The following DHX57 variants were observed in gnomAD, a reference collection of about 807,000 sequenced individuals.
The protein encoded by DHX57 is DExH-box helicase 57, also known as putative ATP-dependent RNA helicase DHX57.
Under a neutral mutation model 156.2 loss-of-function variants are expected in DHX57, and 105 were observed. The observed-to-expected ratio is 0.67, with a 90% CI of 0.57 to 0.79. The LOEUF (loss-of-function observed/expected upper bound fraction) is 0.79. Ranked by LOEUF, DHX57 falls within the 30% of genes least tolerant of loss-of-function variation. DHX57 has a pLI of 0.00. For missense variants in DHX57, 1,847 were observed against 1,661.9 expected, an observed-to-expected ratio of 1.11 and a Z score of -1.94; for synonymous variants, 704 against 595.6, an observed-to-expected ratio of 1.18 and a Z score of -2.65.
Position 38,861,263 on chromosome 2 carries a change from G to C in DHX57, c.1147C>G (p.Leu383Val). 1 of 1,614,196 alleles carries C rather than the reference G, an allele frequency of 6.2e-7. No homozygotes were observed. Among genetic ancestry groups the C allele is most frequent in the Middle Eastern group, 1.6e-4 (1 of 6,062 alleles). The change falls in exon 5 of 24, where the codon CTG (leucine) becomes GTG (valine). Residue 383 changes from leucine (L) to valine (V), a missense_variant. By Grantham distance (32) the Leu-to-Val change is conservative. Coordinates refer to ENST00000457308, the MANE Select transcript of DHX57 (RefSeq NM_198963.3). The part of the protein sequence containing the change: ...AFYSTNENLP[L>V]ACRLHISEFL... ...TCAGAAATATGTAAACGACAAGCCA[G>C]AGGTAGGTTCTCATTGGTGGAATAA...
In DHX57 at chr2:38,855,025, C is replaced by T. The variant is rs1265818096; in HGVS notation, c.1905+32G>A. ...TTTTATACCTAAAAACCATAAATTT[C>T]TGTTACCAGGAAATAAGCAGAGCAT... On this transcript the variant is annotated intron_variant, in intron 8 of 23. Coordinates refer to ENST00000457308, the MANE Select transcript of DHX57 (RefSeq NM_198963.3). 3.7e-6 allele frequency: 6 copies of T among 1,613,846 alleles called. No individual in the cohort carries two copies. The African/African-American group carries it at 6.7e-5, about 18-fold the overall frequency.
At position 38,822,136 on chromosome 2, in the gene DHX57, GTGCAATGGCGCGACTGGCTCA is replaced by G. The variant is rs1670850962; in HGVS notation, c.3291+836_3291+856del. On this transcript the variant is annotated intron_variant, in intron 17 of 23. Transcript: ENST00000457308. ...TTTCGCTCTTGTTGCCCAGGCTGGA[GTGCAATGGCGCGACTGGCTCA>G]TTGCAACCTCTGCCTCCCAGGTTCA... 2.6e-5 allele frequency among the ~76,000 whole-genome samples: 4 copies of G among 152,016 alleles called. No homozygotes were observed. The South Asian group carries it at 8.3e-4, about 32-fold the overall frequency.
chr2:38,832,532 AAT>A (rs200490370), intron 13 of DHX57, among the ~76,000 whole-genome samples: 1,984 of 131,276 alleles, frequency 0.015, 26 homozygotes, highest in East Asian at 0.034. Flanking sequence ...CACATAGATT[AAT>A]ATATATATAT....
intron 21 of DHX57, among the ~76,000 whole-genome samples, chr2:38,811,854 C>T (rs904651380): frequency 2.6e-5 from 4 of 152,182 alleles, no homozygotes; most frequent in Admixed American, 6.5e-5. Context: ...TCACCTAAAA[C>T]TTCTTATACC....
chr2:38,803,782 C>T (rs1429451648), intron 22 of DHX57, among the ~76,000 whole-genome samples: 2 of 105,820 alleles, frequency 1.9e-5, no homozygotes, highest in Non-Finnish European at 4.4e-5. Flanking sequence ...AGTCACCACA[C>T]CCAGCCTTTT....
intron 8 of DHX57, chr2:38,854,706 C>A: frequency 4.9e-6 from 1 of 205,748 alleles, no homozygotes; most frequent in Non-Finnish European, 9.9e-6. Flanking sequence ...GGATTACAGG[C>A]GTGTGCCACC....
In DHX57 at chr2:38,843,150, C is replaced by T; in HGVS notation, c.2280G>A (p.Lys760=). 1 of 1,614,224 alleles carries T rather than the reference C, an allele frequency of 6.2e-7. No individual in the cohort carries two copies. Residue 760 remains lysine (K), a synonymous_variant, in exon 12 of 24, where the codon AAG becomes AAA. Coordinates refer to ENST00000457308, the MANE Select transcript of DHX57 (RefSeq NM_198963.3). Reference sequence around the variant, plus strand: ...CAGTTCTGTTCCGCCTTGCTTTAAGCTTTTCCTTTGAAATCTGTTTCATGG... The same window carrying T: ...CAGTTCTGTTCCGCCTTGCTTTAAGTTTTTCCTTTGAAATCTGTTTCATGG... ...MRSMKQISKE[K]LKARRNRTAF... is the part of the protein sequence containing the mutation.
intron 21 of DHX57, chr2:38,810,332 C>T: frequency 2.5e-6 from 1 of 402,394 alleles, no homozygotes; most frequent in Non-Finnish European, 4.9e-6. Flanking sequence ...ACACTCTTAG[C>T]CAGGGAGAAC....
At chr2:38,875,376 T>TC (rs1456288236) in intron 1 of DHX57, among the ~76,000 whole-genome samples, 1 of 151,976 alleles carries the variant, frequency 6.6e-6, no homozygotes, top group African/African-American at 2.4e-5. Context: ...TATATCCAGC[T>TC]CCATCCAGAT....
At chr2:38,813,972 C>T (rs546958285) in intron 20 of DHX57, 77 bp from the exon 21 acceptor site, 1 of 1,521,244 alleles carries the variant, frequency 6.6e-7, no homozygotes, top group Admixed American at 1.7e-5. Context: ...GAGTCTTGCT[C>T]TGTCACCCAG....
intron 20 of DHX57, among the ~76,000 whole-genome samples, chr2:38,815,290 C>G (rs558324871): frequency 3.9e-5 from 6 of 152,088 alleles, no homozygotes; most frequent in Admixed American, 6.5e-5. Context: ...GTCTCGAACT[C>G]CTGAGCTCAA....
chr2:38,826,108 G>T (rs1221365603), intron 15 of DHX57, 61 bp from the exon 16 acceptor site: 1 of 1,517,498 alleles, frequency 6.6e-7, no homozygotes, highest in East Asian at 2.4e-5. Context: ...AAGACTGCTT[G>T]CTATGGACAG....
Position 38,826,078 on chromosome 2 carries a change from C to A in DHX57, c.2814-31G>T. 4 of 1,599,326 alleles carry A rather than the reference C, an allele frequency of 2.5e-6. No individual in the cohort carries two copies. In the South Asian group the frequency reaches 4.5e-5, roughly 18 times the overall value. On this transcript the variant is annotated intron_variant, in intron 15 of 23. Coordinates refer to ENST00000457308, the MANE Select transcript of DHX57 (RefSeq NM_198963.3). ...AAGAAAAAGAAAATATAAATTGAGT[C>A]ATTTTATAAAAACATGGCCAAGACT... is the stretch of plus-strand genomic sequence containing the variant.
In DHX57 at chr2:38,815,653, T is replaced by G. The variant is rs140728716; in HGVS notation, c.3474A>C (p.Glu1158Asp). The G allele has an allele frequency of 6.2e-7, 1 of 1,613,964 alleles. No individual in the cohort carries two copies. Reference sequence around the variant, plus strand: ...TGAATTGTCGTTTGAGGCTGGCCATTTCCTGAAAGAAGTGGAAAAACCTTT... The same window carrying G: ...TGAATTGTCGTTTGAGGCTGGCCATGTCCTGAAAGAAGTGGAAAAACCTTT... Reference protein sequence around the residue: ...QNFLSGRVLQEMASLKRQFTE... With the variant: ...QNFLSGRVLQDMASLKRQFTE... Residue 1158 changes from glutamate (E) to aspartate (D), a missense_variant and splice_region_variant, in exon 20 of 24, where the codon GAA becomes GAC. By Grantham distance (45) the Glu-to-Asp change is conservative (BLOSUM62 2). Transcript: ENST00000457308.
intron 21 of DHX57, among the ~76,000 whole-genome samples, chr2:38,807,601 C>A (rs896668317): frequency 6.6e-6 from 1 of 152,048 alleles, no homozygotes; most frequent in African/African-American, 2.4e-5. Context: ...TTGTGATCCA[C>A]CTGCGTCGGC....
At chr2:38,862,662 C>CT (rs1673298119) in intron 3 of DHX57, 1 of 175,930 alleles carries the variant, frequency 5.7e-6, no homozygotes, top group African/African-American at 2.4e-5. Context: ...GCCTAGGTTA[C>CT]ACATTAAGGA....
intron 13 of DHX57, among the ~76,000 whole-genome samples, chr2:38,835,275 G>C (rs1012083621): frequency 6.6e-6 from 1 of 152,318 alleles, no homozygotes; most frequent in East Asian, 1.9e-4. Context: ...AAGGCAGGAA[G>C]GGATAGGCTA....
At chr2:38,806,957 T>C (rs1195619366) in intron 21 of DHX57, among the ~76,000 whole-genome samples, 2 of 151,274 alleles carry the variant, frequency 1.3e-5, no homozygotes, top group East Asian at 1.9e-4. Context: ...GAGAAAACTA[T>C]ATTGATATTT....
At position 38,828,394 on chromosome 2, in the gene DHX57, A is replaced by G. The variant is rs932027309; in HGVS notation, c.2585T>C (p.Met862Thr). The part of the protein sequence containing the change: ...VFLPGLAEIK[M>T]LYEQLQSNSL... Reference sequence around the variant, plus strand: ...ATTAGACTGTAGCTGTTCATAAAGCATTTTGATTTCTGCTAGTCCTGGTAA... The same window carrying G: ...ATTAGACTGTAGCTGTTCATAAAGCGTTTTGATTTCTGCTAGTCCTGGTAA... Residue 862 changes from methionine (M) to threonine (T), a missense_variant, in exon 14 of 24, where the codon ATG becomes ACG. Transcript: ENST00000457308. The G allele has an allele frequency of 1.9e-5, 31 of 1,613,582 alleles. No homozygotes were observed. Among genetic ancestry groups the G allele is most frequent in the Non-Finnish European group, 2.2e-5 (26 of 1,179,812 alleles).
Sources: allele counts gnomAD v4.1 joint callset (sites outside exome capture counted in the v4.1 genomes callset), GRCh38; gene constraint gnomAD v4.1.1; transcripts MANE v1.5; gene names NCBI Gene and HGNC (gene_info 2026-07-23, HGNC 2026-07-21).